Variants in NRXN2 observed in about 807,000 individuals in gnomAD.
NRXN2 encodes neurexin 2.
NRXN2 carries 29 observed loss-of-function variants against 128.8 expected under a neutral mutation model. The ratio of observed to expected loss-of-function variants is 0.23; its 90% confidence interval spans 0.17 to 0.31. The LOEUF (loss-of-function observed/expected upper bound fraction) is 0.31. Ranked by LOEUF, NRXN2 falls within the 10% of genes least tolerant of loss-of-function variation. The pLI is 1.00. For missense variants in NRXN2, 1,881 were observed against 2,452.6 expected, an observed-to-expected ratio of 0.77 and a Z score of 4.92; for synonymous variants, 1,098 against 1,075.2, an observed-to-expected ratio of 1.02 and a Z score of -0.41.
chr11:64,662,726 G>A (rs569205480), intron 9 of NRXN2, among the ~76,000 whole-genome samples: 3 of 152,196 alleles, frequency 2.0e-5, no homozygotes, highest in African/African-American at 7.2e-5. Flanking sequence ...AGCTTGCAGT[G>A]AGCCAAGATC....
intron 2 of NRXN2, among the ~76,000 whole-genome samples, chr11:64,709,265 ATT>A (rs2056662628): frequency 1.3e-5 from 2 of 151,436 alleles, no homozygotes; most frequent in Admixed American, 6.6e-5. Flanking sequence ...TGATAAAGTG[ATT>A]ATAACTCCAA....
intron 7 of NRXN2, among the ~76,000 whole-genome samples, chr11:64,669,387 CCTGT>C (rs1378306835): frequency 7.2e-5 from 11 of 152,194 alleles, no homozygotes; most frequent in Non-Finnish European, 1.3e-4. Context: ...CTTCCTTCTT[CCTGT>C]CTAATTGCCT....
chr11:64,672,847 G>C (rs1276170968), intron 7 of NRXN2, among the ~76,000 whole-genome samples: 1 of 152,174 alleles, frequency 6.6e-6, no homozygotes, highest in Non-Finnish European at 1.5e-5. Flanking sequence ...CATGAAGATG[G>C]ACTGAACCAG....
At chr11:64,629,584 C>T (rs1423539898) in intron 19 of NRXN2, among the ~76,000 whole-genome samples, 1 of 152,180 alleles carries the variant, frequency 6.6e-6, no homozygotes, top group African/African-American at 2.4e-5. Context: ...ATGTCCTCAT[C>T]TCCATCCCTC....
At position 64,607,632 on chromosome 11, in the gene NRXN2, C is replaced by A; in HGVS notation, c.4703G>T (p.Arg1568Leu). Residue 1568 changes from arginine (R) to leucine (L), a missense_variant, in exon 23 of 23, where the codon CGA (arginine) becomes CTA (leucine). By Grantham distance (102) the Arg-to-Leu change is moderately radical (BLOSUM62 -2). This residue lies in a region of NRXN2 where 310 missense variants were observed against 318.2 expected (regional missense o/e 0.97). Transcript: ENST00000265459. The part of the protein sequence containing the change: ...PNLPAGKMNH[R>L]DPLQPLLENP... The stretch of plus-strand genomic sequence containing the variant: ...CTCCAGCAAGGGCTGAAGCGGGTCT[C>A]GGTGGTTCATTTTGCCCGCCGGCAG... 2 of 1,531,798 alleles carry A rather than the reference C, an allele frequency of 1.3e-6. No homozygotes were observed. The highest frequency in any genetic ancestry group is 1.2e-5 in the South Asian group (1 of 83,846). 94.9% of individuals were successfully genotyped at this position (1,531,798 alleles called of 1,614,324 possible).
intron 2 of NRXN2, among the ~76,000 whole-genome samples, chr11:64,703,253 G>A (rs904452379): frequency 4.6e-5 from 7 of 152,086 alleles, no homozygotes; most frequent in African/African-American, 1.7e-4. Flanking sequence ...AGAAAAAAAG[G>A]CATTCTCCTG....
chr11:64,641,024 G>A (rs1379986442), intron 17 of NRXN2, among the ~76,000 whole-genome samples: 1 of 152,136 alleles, frequency 6.6e-6, no homozygotes, highest in Non-Finnish European at 1.5e-5. Context: ...ACAAGGATAG[G>A]AAGGGAGAGA....
At chr11:64,686,093 T>TC in intron 5 of NRXN2, 146 bp from the exon 6 acceptor site, 2 of 810,242 alleles carry the variant, frequency 2.5e-6, no homozygotes, top group Non-Finnish European at 4.1e-6. Context: ...CCCCTTTCCC[T>TC]CCCTCGGCCT....
rs760623636 is a variant in NRXN2 at position 64,620,277 on chromosome 11, G to A, written c.4252+17C>T. On this transcript the variant is annotated intron_variant, in intron 22 of 22. Transcript: ENST00000265459. ...CGCAGAGGGACCCGGGGCAGGGGAG[G>A]GGGGAAAGGCACTCACCAGTACTGG... 1 of 1,545,738 alleles carries A rather than the reference G, an allele frequency of 6.5e-7. No homozygotes were observed.
intron 12 of NRXN2, among the ~76,000 whole-genome samples, chr11:64,653,127 C>T (rs1030316070): frequency 7.2e-5 from 11 of 152,124 alleles, no homozygotes; most frequent in African/African-American, 2.7e-4. Flanking sequence ...TGTCCACCTG[C>T]TCACTCTCCA....
At chr11:64,712,949 C>A in intron 2 of NRXN2, 21 bp downstream of exon 2, 1 of 1,500,282 alleles carries the variant, frequency 6.7e-7, no homozygotes, top group Non-Finnish European at 8.9e-7. Context: ...AGGCACCGGG[C>A]GGCCGCTCCC....
chr11:64,612,005 T>G (rs1256648605), intron 22 of NRXN2, among the ~76,000 whole-genome samples: 1 of 150,610 alleles, frequency 6.6e-6, no homozygotes, highest in East Asian at 2.0e-4. Context: ...ACACCCCACT[T>G]CCTCTCCACA....
At chr11:64,717,603 G>A (rs980878518) in intron 1 of NRXN2, among the ~76,000 whole-genome samples, 4 of 152,192 alleles carry the variant, frequency 2.6e-5, no homozygotes, top group Admixed American at 2.0e-4. Flanking sequence ...CTCTTCCTGG[G>A]TCCTCCTAGG....
At position 64,688,511 on chromosome 11, in the gene NRXN2, C is replaced by A. The variant is rs1030280315; in HGVS notation, c.850+1894G>T. 7 of 985,146 alleles carry A rather than the reference C, an allele frequency of 7.1e-6. No homozygotes were observed. The African/African-American group carries it at 1.2e-4, about 17-fold the overall frequency. 61.0% of individuals were successfully genotyped at this position (985,146 alleles called of 1,614,324 possible). On this transcript the variant is annotated intron_variant, in intron 5 of 22. Coordinates refer to ENST00000265459, the MANE Select transcript of NRXN2 (RefSeq NM_015080.4). ...TTCTACTGGGGTGAGCCTGTAGGGG[C>A]GGCGGAGGGGCTCAGCAGAGCACAA...
chr11:64,695,358 G>A (rs910701047), intron 3 of NRXN2, among the ~76,000 whole-genome samples: 3 of 152,148 alleles, frequency 2.0e-5, no homozygotes, highest in Non-Finnish European at 2.9e-5. Context: ...GAGGAAAAAG[G>A]AGGTGTTCGG....
intron 17 of NRXN2, among the ~76,000 whole-genome samples, chr11:64,638,729 T>C (rs1486226994): frequency 6.6e-6 from 1 of 152,202 alleles, no homozygotes; most frequent in Non-Finnish European, 1.5e-5. Flanking sequence ...GTGAGCTGAA[T>C]TGTGCATAAC....
At chr11:64,661,240 C>T (rs2048990628) in intron 9 of NRXN2, 101 bp from the exon 10 acceptor site, 1 of 1,580,324 alleles carries the variant, frequency 6.3e-7, no homozygotes. Flanking sequence ...GCCCCTCCAC[C>T]TTGTGCCCTG....
At chr11:64,676,287 G>A (rs563722464) in intron 7 of NRXN2, 1 of 153,198 alleles carries the variant, frequency 6.5e-6, no homozygotes, top group Admixed American at 6.5e-5. Flanking sequence ...AACCCTCAAG[G>A]CTGAGAAGTG....
chr11:64,620,914 A>G (rs7939757), intron 21 of NRXN2, among the ~76,000 whole-genome samples: 1 of 150,826 alleles, frequency 6.6e-6, no homozygotes, highest in Non-Finnish European at 1.5e-5. Context: ...ACGACAAGAG[A>G]AGACTTTGTC....
Sources: allele counts gnomAD v4.1 joint callset (sites outside exome capture counted in the v4.1 genomes callset), GRCh38; gene constraint gnomAD v4.1.1; regional missense constraint gnomAD v4.1.1; transcripts MANE v1.5; gene names NCBI Gene and HGNC (gene_info 2026-07-23, HGNC 2026-07-21).